The following ITSN2 variants were observed in gnomAD, a reference collection of about 807,000 sequenced individuals.
ITSN2 encodes the protein intersectin-2.
In ITSN2, 156 loss-of-function variants were observed where a neutral mutation model predicts 243.7. That is an observed-to-expected ratio of 0.64 (90% CI 0.56 to 0.73). ITSN2 has a LOEUF of 0.73. ITSN2 is among the 30% of genes least tolerant of loss of function. ITSN2 has a pLI of 0.00. For missense variants in ITSN2, 1,801 were observed against 1,996.1 expected (o/e 0.90, Z 1.86); for synonymous variants, 703 against 699.9 (o/e 1.00, Z -0.07).
intron 27 of ITSN2, among the ~76,000 whole-genome samples, 171 bp downstream of exon 27, chr2:24,248,458 A>T (rs1391278720): frequency 1.3e-5 from 2 of 152,230 alleles, no homozygotes; most frequent in Non-Finnish European, 2.9e-5. Flanking sequence ...CTGTGCTAAA[A>T]ATGTACACAC....
intron 16 of ITSN2, among the ~76,000 whole-genome samples, chr2:24,285,179 GC>G: frequency 6.6e-6 from 1 of 152,254 alleles, no homozygotes; most frequent in South Asian, 2.1e-4. Flanking sequence ...ACAGGCATGA[GC>G]CACCATGCCC....
At chr2:24,328,699 G>A (rs1022126067) in intron 1 of ITSN2, among the ~76,000 whole-genome samples, 19 of 152,146 alleles carry the variant, frequency 1.2e-4, no homozygotes, top group African/African-American at 4.1e-4. Flanking sequence ...CTGGCCTCAA[G>A]TGACCTGCCC....
chr2:24,272,373 T>C (rs933992403), intron 18 of ITSN2, among the ~76,000 whole-genome samples: 4 of 152,078 alleles, frequency 2.6e-5, no homozygotes, highest in African/African-American at 7.2e-5. Flanking sequence ...GTTTCAGGGG[T>C]TTAGTCATTG....
intron 1 of ITSN2, among the ~76,000 whole-genome samples, chr2:24,341,713 T>C (rs1286955852): frequency 6.6e-6 from 1 of 151,978 alleles, no homozygotes; most frequent in Non-Finnish European, 1.5e-5. Flanking sequence ...CTGTCTCTAT[T>C]AAAAATACAA....
At chr2:24,301,111 A>G (rs1425732909) in intron 11 of ITSN2, 43 bp downstream of exon 11, 1 of 1,047,154 alleles carries the variant, frequency 9.5e-7, no homozygotes, top group South Asian at 1.7e-5. Flanking sequence ...GTAGAATTTA[A>G]AAGAACTCAG....
At chr2:24,208,446 A>C in intron 36 of ITSN2, 127 bp from the exon 37 acceptor site, 4 of 699,154 alleles carry the variant, frequency 5.7e-6, no homozygotes, top group Middle Eastern at 2.4e-4. Context: ...CCTATCAAAG[A>C]CCTGATATTA....
At chr2:24,342,308 C>T (rs944302119) in intron 1 of ITSN2, among the ~76,000 whole-genome samples, 37 of 151,804 alleles carry the variant, frequency 2.4e-4, no homozygotes, top group African/African-American at 8.7e-4. Flanking sequence ...CGTGATTCTC[C>T]CACCTCAGCT....
intron 17 of ITSN2, among the ~76,000 whole-genome samples, chr2:24,276,471 G>A (rs764149585): frequency 6.6e-6 from 1 of 152,172 alleles, no homozygotes; most frequent in Non-Finnish European, 1.5e-5. Context: ...TGACTCCCAC[G>A]TCTACAGACT....
At chr2:24,350,469 C>T (rs977785025) in intron 1 of ITSN2, among the ~76,000 whole-genome samples, 4 of 152,176 alleles carry the variant, frequency 2.6e-5, no homozygotes, top group African/African-American at 9.7e-5. Flanking sequence ...AATTCCACCC[C>T]TCAGTATGAA....
In ITSN2 at chr2:24,303,853, G is replaced by A; in HGVS notation, c.803C>T (p.Ala268Val). The A allele has an allele frequency of 6.2e-7, 1 of 1,607,154 alleles. No individual in the cohort carries two copies. Among genetic ancestry groups the A allele is most frequent in the Non-Finnish European group, 8.5e-7 (1 of 1,173,716 alleles). Residue 268 changes from alanine to valine, a missense_variant, in exon 9 of 40, where the codon GCT (alanine) becomes GTT (valine). Transcript: ENST00000355123. ...ATTTGACTGAAGAAGGGCATTTCTA[G>A]CTTGAAAACCTGATTAAGTGGGGAA... ...SMSGYLSGFQ[A>V]RNALLQSNLS...
chr2:24,269,404 A>G lies in ITSN2; in HGVS notation c.2355+1267T>C, dbSNP rs556939902. ...TTCCCTCTTAGGAAATGACACCATC[A>G]TTAACCAATTTGTTCAAATCAGGCA... On this transcript the variant is annotated intron_variant, in intron 20 of 39. Transcript: ENST00000355123. Among the ~76,000 whole-genome samples the G allele has an allele frequency of 1.1e-4, 16 of 152,332 alleles. No individual in the cohort carries two copies. The South Asian group carries it at 2.1e-3, about 20-fold the overall frequency.
chr2:24,319,720 C>T (rs1053671442), intron 2 of ITSN2, among the ~76,000 whole-genome samples: 1 of 152,250 alleles, frequency 6.6e-6, no homozygotes, highest in Non-Finnish European at 1.5e-5. Flanking sequence ...CACTATCAAC[C>T]TGTGCCCCTC....
intron 25 of ITSN2, among the ~76,000 whole-genome samples, 170 bp downstream of exon 25, chr2:24,252,175 G>A (rs184819901): frequency 6.6e-6 from 1 of 152,220 alleles, no homozygotes; most frequent in African/African-American, 2.4e-5. Context: ...TTTTACCGGA[G>A]CTACTGTGAA....
chr2:24,206,936 G>A (rs1325644061), intron 37 of ITSN2, among the ~76,000 whole-genome samples: 4 of 152,098 alleles, frequency 2.6e-5, no homozygotes, highest in African/African-American at 9.7e-5. Context: ...GGTGAGGGCA[G>A]AGCACTTGAG....
At chr2:24,315,651 G>T (rs891697744) in intron 2 of ITSN2, among the ~76,000 whole-genome samples, 14 of 152,144 alleles carry the variant, frequency 9.2e-5, no homozygotes, top group Admixed American at 7.2e-4. Flanking sequence ...TCAGAGGAGG[G>T]GCCTGGTGGG....
chr2:24,210,671 T>TC (rs1669391601), intron 34 of ITSN2, 109 bp downstream of exon 34: 2 of 886,346 alleles, frequency 2.3e-6, no homozygotes, highest in African/African-American at 3.5e-5. Flanking sequence ...GGGTGGTGAG[T>TC]CCACGCAGGC....
intron 29 of ITSN2, among the ~76,000 whole-genome samples, chr2:24,235,296 A>G (rs972497165): frequency 6.6e-6 from 1 of 151,702 alleles, no homozygotes; most frequent in African/African-American, 2.4e-5. Flanking sequence ...CTATGGAGAC[A>G]GTAAAAAGAT....
chr2:24,220,676 A>G, intron 30 of ITSN2: 1 of 1,279,086 alleles, frequency 7.8e-7, no homozygotes, highest in Non-Finnish European at 9.8e-7. Context: ...CAACGAAGCC[A>G]TGCGAATGCC....
chr2:24,206,463 A>T (rs1450995833), intron 37 of ITSN2, among the ~76,000 whole-genome samples: 1 of 149,952 alleles, frequency 6.7e-6, no homozygotes, highest in South Asian at 2.1e-4. Context: ...TGGAGGCCAC[A>T]GGCTGGCCTG....
Sources: allele counts gnomAD v4.1 joint callset (sites outside exome capture counted in the v4.1 genomes callset), GRCh38; gene constraint gnomAD v4.1.1; transcripts MANE v1.5; gene names NCBI Gene and HGNC (gene_info 2026-07-23, HGNC 2026-07-21).